The following BMP6 variants were observed in gnomAD, a reference collection of about 807,000 sequenced individuals.
BMP6 encodes the protein VG-1-R.
Under a neutral mutation model 54.1 loss-of-function variants are expected in BMP6, and 17 were observed. The ratio of observed to expected loss-of-function variants is 0.31; its 90% confidence interval spans 0.22 to 0.47. The LOEUF (loss-of-function observed/expected upper bound fraction) is 0.47. BMP6 is among the 20% of genes least tolerant of loss of function. BMP6 has a pLI of 1.00. For missense variants in BMP6, 720 were observed against 690.4 expected, an observed-to-expected ratio of 1.04 and a Z score of -0.48; for synonymous variants, 328 against 291.2, an observed-to-expected ratio of 1.13 and a Z score of -1.28.
chr6:7,782,038 T>A lies in BMP6; in HGVS notation c.664+54419T>A, dbSNP rs78774599. On this transcript the variant is annotated intron_variant, in intron 1 of 6. Transcript: ENST00000283147. ...ATTTAGGAAGTTTTTAGTAGCTGGG[T>A]TGAGAAATGGTGGTGGCTTGAATGG... Among the ~76,000 whole-genome samples, 7 of 150,954 alleles carry A rather than the reference T, an allele frequency of 4.6e-5. 1 individual carries two copies. The highest frequency in any genetic ancestry group is 8.9e-5 in the Non-Finnish European group (6 of 67,442).
At position 7,832,865 on chromosome 6, in the gene BMP6, G is replaced by C. The variant is rs189350479; in HGVS notation, c.665-12275G>C. 2.0e-5 allele frequency among the ~76,000 whole-genome samples: 3 copies of C among 151,374 alleles called. No homozygotes were observed. The East Asian group carries it at 5.8e-4, about 29-fold the overall frequency. ...TTGTATGAGGAAGGCGAAGTCACGA[G>C]ATCCTGGGCAGTGTGGTGGGACAAA... is the stretch of plus-strand genomic sequence containing the variant. On this transcript the variant is annotated intron_variant, in intron 1 of 6. Coordinates refer to ENST00000283147, the MANE Select transcript of BMP6 (RefSeq NM_001718.6).
chr6:7,830,715 C>T (rs529988074), intron 1 of BMP6, among the ~76,000 whole-genome samples: 11 of 152,230 alleles, frequency 7.2e-5, no homozygotes, highest in South Asian at 6.2e-4. Context: ...CCTTATATGG[C>T]GGCAATCAAG....
At chr6:7,871,462 T>C (rs1472533288) in intron 4 of BMP6, among the ~76,000 whole-genome samples, 1 of 152,128 alleles carries the variant, frequency 6.6e-6, no homozygotes, top group East Asian at 1.9e-4. Context: ...TGGGGGGGCT[T>C]TTATGATTGT....
chr6:7,838,828 G>T (rs549519770), intron 1 of BMP6, among the ~76,000 whole-genome samples: 2 of 151,852 alleles, frequency 1.3e-5, no homozygotes, highest in African/African-American at 4.8e-5. Flanking sequence ...TGGAGTCCCA[G>T]CTACTCGGGA....
intron 4 of BMP6, among the ~76,000 whole-genome samples, chr6:7,867,514 A>G (rs1035283588): frequency 6.6e-6 from 1 of 152,242 alleles, no homozygotes; most frequent in East Asian, 1.9e-4. Flanking sequence ...GATTGGGGAT[A>G]GCCAGAGCTG....
intron 2 of BMP6, among the ~76,000 whole-genome samples, chr6:7,856,144 A>AT (rs1759229213): frequency 6.7e-6 from 1 of 149,936 alleles, no homozygotes; most frequent in Non-Finnish European, 1.5e-5. Flanking sequence ...AAAAAAAAAA[A>AT]TGCAAGTGTA....
intron 2 of BMP6, among the ~76,000 whole-genome samples, chr6:7,847,585 A>G (rs1446267718): frequency 1.3e-5 from 2 of 152,228 alleles, no homozygotes; most frequent in East Asian, 1.9e-4. Flanking sequence ...TCCATTTAAC[A>G]AGGGTTTGTG....
intron 1 of BMP6, among the ~76,000 whole-genome samples, chr6:7,805,231 C>A (rs75155902): frequency 6.6e-6 from 1 of 152,174 alleles, no homozygotes; most frequent in Non-Finnish European, 1.5e-5. Context: ...GGTTGCTCAT[C>A]TTTCATCTTT....
chr6:7,739,399 T>A (rs2113114597), intron 1 of BMP6, among the ~76,000 whole-genome samples: 1 of 152,300 alleles, frequency 6.6e-6, no homozygotes, highest in South Asian at 2.1e-4. Flanking sequence ...GAAACTGCAT[T>A]TTTTTCTGCA....
At chr6:7,859,903 A>G (rs1759308093) in intron 2 of BMP6, among the ~76,000 whole-genome samples, 1 of 152,218 alleles carries the variant, frequency 6.6e-6, no homozygotes, top group Non-Finnish European at 1.5e-5. Context: ...TTAAGTGGCC[A>G]TGGAGGCAGG....
rs148259123 is a variant in BMP6 at position 7,734,663 on chromosome 6, T to A, written c.664+7044T>A. On this transcript the variant is annotated intron_variant, in intron 1 of 6. Coordinates refer to ENST00000283147, the MANE Select transcript of BMP6 (RefSeq NM_001718.6). The stretch of plus-strand genomic sequence containing the variant: ...AAAGAATTGTTTTCTGCTCCGAAAT[T>A]GAGTTGAAAACCACGTTGCTCTGAG... 2.7e-3 allele frequency among the ~76,000 whole-genome samples: 413 copies of A among 152,332 alleles called. 1 individual carries two copies. The highest frequency in any genetic ancestry group is 0.02 in the Middle Eastern group (6 of 294).
intron 1 of BMP6, among the ~76,000 whole-genome samples, chr6:7,789,115 A>G (rs1758059042): frequency 6.6e-6 from 1 of 152,212 alleles, no homozygotes; most frequent in African/African-American, 2.4e-5. Flanking sequence ...GTTGTTAACT[A>G]TAGTCAGCAT....
chr6:7,760,075 T>G (rs1186495436), intron 1 of BMP6, among the ~76,000 whole-genome samples: 1 of 149,796 alleles, frequency 6.7e-6, no homozygotes, highest in Non-Finnish European at 1.5e-5. Flanking sequence ...TTTTTTTTTT[T>G]TTTTTTTTAG....
At chr6:7,741,862 T>A (rs1403969693) in intron 1 of BMP6, among the ~76,000 whole-genome samples, 1 of 152,244 alleles carries the variant, frequency 6.6e-6, no homozygotes, top group Non-Finnish European at 1.5e-5. Context: ...GTGAATCACC[T>A]TCAACACTGA....
rs1040280629 is a variant in BMP6 at position 7,879,117 on chromosome 6, G to A, written c.1248G>A (p.Glu416=). Residue 416 remains glutamate (E), a synonymous_variant, in exon 5 of 7, where the codon GAG becomes GAA. Transcript: ENST00000283147. ...SELKTACRKH[E]LYVSFQDLGW... ...TGAAAACAGCCTGCAGGAAGCATGA[G>A]CTGTATGTGAGTTTCCAAGACCTGG... 6.2e-7 allele frequency: 1 copy of A among 1,614,226 alleles called. No homozygotes were observed. The highest frequency in any genetic ancestry group is 8.5e-7 in the Non-Finnish European group (1 of 1,180,020).
chr6:7,756,170 C>T (rs1482920659), intron 1 of BMP6, among the ~76,000 whole-genome samples: 1 of 152,024 alleles, frequency 6.6e-6, no homozygotes, highest in African/African-American at 2.4e-5. Flanking sequence ...GGCTGGACTT[C>T]TTTATATCTC....
chr6:7,735,676 C>T (rs1420185152), intron 1 of BMP6, among the ~76,000 whole-genome samples: 1 of 152,090 alleles, frequency 6.6e-6, no homozygotes, highest in African/African-American at 2.4e-5. Context: ...CCCACAGGTG[C>T]ACAGACTCCT....
intron 4 of BMP6, among the ~76,000 whole-genome samples, chr6:7,873,257 TC>T (rs1417769744): frequency 6.6e-6 from 1 of 152,174 alleles, no homozygotes; most frequent in African/African-American, 2.4e-5. Flanking sequence ...ATTTGGGAGT[TC>T]ACATTACCGC....
chr6:7,791,153 T>C (rs1758100724), intron 1 of BMP6, among the ~76,000 whole-genome samples: 1 of 152,204 alleles, frequency 6.6e-6, no homozygotes, highest in African/African-American at 2.4e-5. Flanking sequence ...GGGGGCATGG[T>C]CACTTGTATG....
Sources: allele counts gnomAD v4.1 joint callset (sites outside exome capture counted in the v4.1 genomes callset), GRCh38; gene constraint gnomAD v4.1.1; transcripts MANE v1.5; gene names NCBI Gene and HGNC (gene_info 2026-07-23, HGNC 2026-07-21).